The following PCSK6 variants were observed in gnomAD, a reference collection of about 807,000 sequenced individuals.
PCSK6 encodes the protein proprotein convertase subtilisin/kexin type 6, also known as paired basic amino acid cleaving enzyme 4.
PCSK6 carries 85 observed loss-of-function variants against 123.3 expected under a neutral mutation model. The observed-to-expected ratio is 0.69, with a 90% CI of 0.58 to 0.83. PCSK6 has a LOEUF of 0.83. Among genes scored for constraint, PCSK6 ranks in the 40% least tolerant of loss-of-function variants. PCSK6 has a pLI of 0.00. For missense variants in PCSK6, 1,191 were observed against 1,282.3 expected (o/e 0.93, Z 1.09); for synonymous variants, 508 against 516.0 (o/e 0.98, Z 0.21).
intron 18 of PCSK6, among the ~76,000 whole-genome samples, chr15:101,321,364 G>T (rs1253558719): frequency 6.6e-6 from 1 of 152,140 alleles, no homozygotes; most frequent in Non-Finnish European, 1.5e-5. Flanking sequence ...GCTGCTTGGG[G>T]TCCTCTTCTC....
At chr15:101,364,990 G>T in intron 13 of PCSK6, 1 of 778,528 alleles carries the variant, frequency 1.3e-6, no homozygotes, top group Non-Finnish European at 2.4e-6. Flanking sequence ...CGAGAGTGTG[G>T]AAACGAACCT....
chr15:101,385,741 A>T (rs2141521369), intron 9 of PCSK6, among the ~76,000 whole-genome samples: 1 of 152,356 alleles, frequency 6.6e-6, no homozygotes, highest in South Asian at 2.1e-4. Flanking sequence ...GCTTTCTGCA[A>T]GGCTGCTTTA....
At chr15:101,460,442 A>G (rs1359072434) in intron 1 of PCSK6, among the ~76,000 whole-genome samples, 1 of 152,110 alleles carries the variant, frequency 6.6e-6, no homozygotes, top group Non-Finnish European at 1.5e-5. Context: ...TGCTCCTCCT[A>G]CATAAGCTCC....
chr15:101,454,007 G>A (rs989513816), intron 1 of PCSK6, among the ~76,000 whole-genome samples: 7 of 152,226 alleles, frequency 4.6e-5, no homozygotes, highest in Admixed American at 2.0e-4. Flanking sequence ...GGGGGAGCCC[G>A]TCTGGCTCCT....
chr15:101,456,861 G>A (rs115405405), intron 1 of PCSK6, among the ~76,000 whole-genome samples: 1,960 of 152,288 alleles, frequency 0.013, 51 homozygotes, highest in African/African-American at 0.045. Context: ...CATGACCAAG[G>A]ACACTCCAGA....
intron 1 of PCSK6, among the ~76,000 whole-genome samples, chr15:101,487,780 G>T (rs903604780): frequency 2.6e-5 from 4 of 152,138 alleles, no homozygotes; most frequent in African/African-American, 9.7e-5. Context: ...TGGACAATCA[G>T]CCAGGGAGAG....
chr15:101,371,764 G>A (rs1450031486), intron 11 of PCSK6, among the ~76,000 whole-genome samples: 1 of 152,220 alleles, frequency 6.6e-6, no homozygotes, highest in Admixed American at 6.5e-5. Context: ...AGCTCGCGTG[G>A]ACCCACAGTC....
At chr15:101,389,334 C>G in intron 9 of PCSK6, 130 bp downstream of exon 9, 2 of 707,502 alleles carry the variant, frequency 2.8e-6, no homozygotes, top group Non-Finnish European at 5.1e-6. Flanking sequence ...GGTGCAGGTG[C>G]ACGACTCACT....
At chr15:101,364,846 A>G (rs1002823089) in intron 13 of PCSK6, 19 of 565,614 alleles carry the variant, frequency 3.4e-5, no homozygotes, top group Middle Eastern at 3.6e-4. Context: ...CAAAATAGCC[A>G]AAACAATCTT....
intron 1 of PCSK6, among the ~76,000 whole-genome samples, chr15:101,477,650 C>T (rs2057766696): frequency 6.6e-6 from 1 of 152,162 alleles, no homozygotes; most frequent in Admixed American, 6.5e-5. Context: ...ATCCACATAT[C>T]CTTTCTGTAT....
In PCSK6 at chr15:101,454,077, C is replaced by T. The variant is rs1376518410; in HGVS notation, c.298-10417G>A. The stretch of plus-strand genomic sequence containing the variant: ...GTCAGTGCTGGGCTGCAGCTCATGG[C>T]TACTTGGCCAAGGGAGGTCATGTTG... On this transcript the variant is annotated intron_variant, in intron 1 of 21. Coordinates refer to ENST00000611716, the MANE Select transcript of PCSK6 (RefSeq NM_002570.5). Among the ~76,000 whole-genome samples, 5 of 152,330 alleles carry T rather than the reference C, an allele frequency of 3.3e-5. No homozygotes were observed. In the East Asian group the frequency reaches 9.7e-4, roughly 29 times the overall value.
At position 101,430,183 on chromosome 15, in the gene PCSK6, C is replaced by G. The variant is rs1450330024; in HGVS notation, c.658-120G>C. The G allele has an allele frequency of 6.2e-5, 45 of 726,794 alleles. 1 individual carries two copies. The highest frequency in any genetic ancestry group is 6.1e-4 in the South Asian group (39 of 63,826). The allele number at this position is 726,794 out of a possible 1,614,324, so 45.0% of individuals were successfully genotyped here. A position where few individuals can be genotyped will look rare whatever the true frequency, so the allele number is the denominator to read the frequency against. The stretch of plus-strand genomic sequence containing the variant: ...ACGCGGGGCTCCTCTCTTACTATAG[C>G]TATAATCTCATATACGTTTTTATCG... On this transcript the variant is annotated intron_variant, in intron 4 of 21. Coordinates refer to ENST00000611716, the MANE Select transcript of PCSK6 (RefSeq NM_002570.5).
At chr15:101,464,909 G>A (rs943047957) in intron 1 of PCSK6, among the ~76,000 whole-genome samples, 2 of 151,902 alleles carry the variant, frequency 1.3e-5, no homozygotes, top group African/African-American at 2.4e-5. Context: ...TGGGTAGTAG[G>A]GGCCAGCGGC....
At chr15:101,476,290 C>T (rs761948242) in intron 1 of PCSK6, among the ~76,000 whole-genome samples, 1 of 152,136 alleles carries the variant, frequency 6.6e-6, no homozygotes, top group African/African-American at 2.4e-5. Context: ...ATGGATCCTA[C>T]AGAAATTCTC....
intron 1 of PCSK6, among the ~76,000 whole-genome samples, chr15:101,452,953 C>G (rs1023958763): frequency 1.3e-5 from 2 of 152,142 alleles, no homozygotes; most frequent in Non-Finnish European, 2.9e-5. Flanking sequence ...GAGCTTTGCC[C>G]TGTGCATTCA....
chr15:101,476,159 C>T (rs2057726143), intron 1 of PCSK6, among the ~76,000 whole-genome samples: 1 of 152,182 alleles, frequency 6.6e-6, no homozygotes, highest in African/African-American at 2.4e-5. Flanking sequence ...ATAACACCTA[C>T]CCCATAGAGT....
At chr15:101,442,531 C>T (rs2056782976) in intron 2 of PCSK6, among the ~76,000 whole-genome samples, 1 of 152,148 alleles carries the variant, frequency 6.6e-6, no homozygotes, top group Non-Finnish European at 1.5e-5. Flanking sequence ...CAACAGATCC[C>T]TGCTCAGTCA....
intron 1 of PCSK6, among the ~76,000 whole-genome samples, chr15:101,464,586 G>A (rs77940481): frequency 0.025 from 3,737 of 152,218 alleles, 175 homozygotes; most frequent in African/African-American, 0.084. Flanking sequence ...GTCTGTGATC[G>A]AGCAGGCTGT....
intron 13 of PCSK6, among the ~76,000 whole-genome samples, chr15:101,350,033 C>T (rs374667300): frequency 2.6e-5 from 4 of 152,062 alleles, no homozygotes; most frequent in South Asian, 2.1e-4. Context: ...CTCAGCCTCC[C>T]GAGTAGCTGA....
Sources: gnomAD v4.1 joint callset for allele counts (sites outside exome capture counted in the v4.1 genomes callset) on GRCh38, gnomAD v4.1.1 for gene constraint, MANE v1.5 for transcripts, NCBI Gene and HGNC (gene_info 2026-07-23, HGNC 2026-07-21) for gene names.